Variants in HMCN1 observed in about 807,000 individuals in gnomAD.
HMCN1 encodes hemicentin-1.
Under a neutral mutation model 625.9 loss-of-function variants are expected in HMCN1, and 321 were observed. That is an observed-to-expected ratio of 0.51 (90% CI 0.47 to 0.56). HMCN1 has a LOEUF of 0.56. HMCN1 is among the 20% of genes least tolerant of loss of function. The pLI is 0.00. For missense variants in HMCN1, 6,588 were observed against 6,887.3 expected, an observed-to-expected ratio of 0.96 and a Z score of 1.54; for synonymous variants, 2,425 against 2,417.6, an observed-to-expected ratio of 1.00 and a Z score of -0.09.
rs748540288 is a variant in HMCN1, at chr1:186,007,226, G to A, written c.4574G>A (p.Cys1525Tyr). Residue 1525 changes from cysteine to tyrosine, a missense_variant, in exon 30 of 107, where the codon TGT becomes TAT. By Grantham distance (194) the Cys-to-Tyr change is radical (BLOSUM62 -2). Transcript: ENST00000271588. The part of the protein sequence containing the change: ...ARRNDKGRYQ[C>Y]TVSNAAGKQA... ...AGAAATGACAAGGGGCGCTACCAAT[G>A]TACTGTGTCTAATGCAGCTGGCAAA... is the stretch of plus-strand genomic sequence containing the variant. The A allele has an allele frequency of 6.2e-7, 1 of 1,613,718 alleles. No individual in the cohort carries two copies. Among genetic ancestry groups the A allele is most frequent in the Non-Finnish European group, 8.5e-7 (1 of 1,179,712 alleles).
chr1:185,781,914 T>G (rs1044927733), intron 1 of HMCN1, among the ~76,000 whole-genome samples: 1 of 152,222 alleles, frequency 6.6e-6, no homozygotes, highest in African/African-American at 2.4e-5. Context: ...GTTAACTTTC[T>G]GTCTTGTAGA....
chr1:186,105,828 G>A (rs562024285), intron 69 of HMCN1, among the ~76,000 whole-genome samples: 1 of 152,202 alleles, frequency 6.6e-6, no homozygotes, highest in Non-Finnish European at 1.5e-5. Context: ...CCAGACAAGT[G>A]AGGGGGATGA....
At chr1:185,887,454 C>A (rs1664738421) in intron 4 of HMCN1, among the ~76,000 whole-genome samples, 1 of 145,720 alleles carries the variant, frequency 6.9e-6, no homozygotes, top group Admixed American at 6.8e-5. Flanking sequence ...CTATCCCTCC[C>A]CCCTCCCCGC....
intron 11 of HMCN1, among the ~76,000 whole-genome samples, chr1:185,956,706 C>A (rs906658005): frequency 2.0e-5 from 3 of 152,132 alleles, no homozygotes; most frequent in Non-Finnish European, 2.9e-5. Flanking sequence ...TCATCGCTGC[C>A]TTCATCTCCT....
At chr1:186,188,132 G>A (rs1012541986) in intron 106 of HMCN1, 123 bp downstream of exon 106, 9 of 1,175,264 alleles carry the variant, frequency 7.7e-6, no homozygotes, top group South Asian at 1.2e-5. Flanking sequence ...CCAGGAAGAT[G>A]TGGGGTTACA....
intron 35 of HMCN1, among the ~76,000 whole-genome samples, chr1:186,020,341 G>A (rs1000995659): frequency 1.3e-5 from 2 of 151,966 alleles, no homozygotes; most frequent in Non-Finnish European, 2.9e-5. Context: ...TAATAGGATC[G>A]AGTTAATTGA....
intron 20 of HMCN1, among the ~76,000 whole-genome samples, chr1:185,987,746 G>A (rs1171712332): frequency 3.3e-5 from 5 of 152,024 alleles, no homozygotes; most frequent in Admixed American, 3.3e-4. Context: ...TCCCTCGGAG[G>A]GACAGGAAGT....
chr1:185,765,602 A>G (rs1176075706), intron 1 of HMCN1, among the ~76,000 whole-genome samples: 2 of 152,206 alleles, frequency 1.3e-5, no homozygotes, highest in African/African-American at 4.8e-5. Context: ...CCAAGGCATA[A>G]GGAGGCATGA....
intron 1 of HMCN1, among the ~76,000 whole-genome samples, chr1:185,776,927 A>G (rs1656653397): frequency 6.6e-6 from 1 of 152,220 alleles, no homozygotes; most frequent in South Asian, 2.1e-4. Context: ...ATTGTTAAGA[A>G]TAGAATTGCC....
At chr1:185,994,109 A>G (rs1332666932) in intron 23 of HMCN1, among the ~76,000 whole-genome samples, 2 of 152,154 alleles carry the variant, frequency 1.3e-5, no homozygotes, top group Non-Finnish European at 2.9e-5. Context: ...TTCATTAAAT[A>G]TTAAGTTAAA....
intron 30 of HMCN1, among the ~76,000 whole-genome samples, chr1:186,011,904 T>G (rs1053100683): frequency 3.3e-5 from 5 of 152,172 alleles, no homozygotes; most frequent in Non-Finnish European, 7.4e-5. Flanking sequence ...TAAGAGTGTT[T>G]AAGAATGATT....
In HMCN1 at chr1:186,171,412, G is replaced by A; in HGVS notation, c.15650G>A (p.Cys5217Tyr). 1 of 1,613,478 alleles carries A rather than the reference G, an allele frequency of 6.2e-7. No homozygotes were observed. The highest frequency in any genetic ancestry group is 1.1e-5 in the South Asian group (1 of 91,080). Reference protein sequence around the residue: ...FNAIGSFHCGCEPGYQLKGRK... With the variant: ...FNAIGSFHCGYEPGYQLKGRK... ...GCCATAGGAAGTTTCCATTGTGGATGTGAACCTGGGTATCAGCTCAAAGGC... is the reference window on the plus strand; with the variant it reads ...GCCATAGGAAGTTTCCATTGTGGATATGAACCTGGGTATCAGCTCAAAGGC... The change falls in exon 101 of 107, where the codon TGT becomes TAT. Residue 5217 changes from cysteine (C) to tyrosine (Y), a missense_variant. Coordinates refer to ENST00000271588, the MANE Select transcript of HMCN1 (RefSeq NM_031935.3).
At chr1:185,858,291 C>A (rs1158098865) in intron 2 of HMCN1, among the ~76,000 whole-genome samples, 2 of 151,860 alleles carry the variant, frequency 1.3e-5, no homozygotes, top group Non-Finnish European at 2.9e-5. Flanking sequence ...ATCAAGAAGA[C>A]CTTCTATAGA....
intron 55 of HMCN1, among the ~76,000 whole-genome samples, chr1:186,079,357 T>C (rs2102372032): frequency 6.6e-6 from 1 of 152,246 alleles, no homozygotes; most frequent in Admixed American, 6.5e-5. Flanking sequence ...TCCCTTACAG[T>C]GGTCAGTAGT....
In HMCN1 at chr1:185,995,090, G is replaced by T; in HGVS notation, c.3778+3G>T. On this transcript the variant is annotated splice_donor_region_variant and intron_variant, in intron 24 of 106. Coordinates refer to ENST00000271588, the MANE Select transcript of HMCN1 (RefSeq NM_031935.3). ...AGAGATAACGCTACATGTCCAAGGT[G>T]ATTCTTGACACAGGAAAATATATGT... 1 of 1,613,180 alleles carries T rather than the reference G, an allele frequency of 6.2e-7. No homozygotes were observed. Among genetic ancestry groups the T allele is most frequent in the South Asian group, 1.1e-5 (1 of 91,062 alleles).
intron 97 of HMCN1, among the ~76,000 whole-genome samples, chr1:186,154,587 T>C (rs1037434383): frequency 9.2e-5 from 14 of 152,154 alleles, no homozygotes; most frequent in African/African-American, 3.4e-4. Flanking sequence ...AATAATAAAG[T>C]CCATTTGTTA....
At position 185,997,337 on chromosome 1, in the gene HMCN1, G is replaced by A. The variant is rs75275368; in HGVS notation, c.3779-92G>A. On this transcript the variant is annotated intron_variant, in intron 24 of 106. Coordinates refer to ENST00000271588, the MANE Select transcript of HMCN1 (RefSeq NM_031935.3). ...TTTAAAAGAAGAATCAGCAGAGATA[G>A]CAACTCATCAGTGCAGGTAGTTAAT... The A allele has an allele frequency of 6.7e-4, 531 of 790,806 alleles. 2 individuals are homozygous for A. In the African/African-American group the frequency reaches 7.7e-3, roughly 12 times the overall value. The allele number at this position is 790,806 out of a possible 1,614,324, so 49.0% of individuals were successfully genotyped here. A position where few individuals can be genotyped will look rare whatever the true frequency, so the allele number is the denominator to read the frequency against.
intron 1 of HMCN1, among the ~76,000 whole-genome samples, chr1:185,756,988 T>A (rs962738902): frequency 6.6e-6 from 1 of 152,196 alleles, no homozygotes; most frequent in African/African-American, 2.4e-5. Flanking sequence ...TTTATTTTAT[T>A]TTTGAGACAA....
intron 1 of HMCN1, among the ~76,000 whole-genome samples, chr1:185,741,000 A>G (rs1653958060): frequency 6.6e-6 from 1 of 152,138 alleles, no homozygotes; most frequent in Non-Finnish European, 1.5e-5. Flanking sequence ...TCTCAAAAAC[A>G]AAAACGAAAA....
Sources: allele counts gnomAD v4.1 joint callset (sites outside exome capture counted in the v4.1 genomes callset), GRCh38; gene constraint gnomAD v4.1.1; transcripts MANE v1.5; gene names NCBI Gene and HGNC (gene_info 2026-07-23, HGNC 2026-07-21).